Variants in SLC16A4 observed in about 807,000 individuals in gnomAD.
SLC16A4 encodes the protein solute carrier family 16 member 4, also known as probable monocarboxylate transporter 5.
In SLC16A4, 39 loss-of-function variants were observed where a neutral mutation model predicts 47.9. That is an observed-to-expected ratio of 0.81 (90% CI 0.63 to 1.06). The LOEUF (loss-of-function observed/expected upper bound fraction) is 1.06. Ranked by LOEUF, SLC16A4 falls within the 50% of genes least tolerant of loss-of-function variation. SLC16A4 has a pLI of 0.00. For synonymous variants in SLC16A4, 189 were observed against 199.9 expected, an observed-to-expected ratio of 0.95 and a Z score of 0.46; for missense variants, 524 against 573.8, an observed-to-expected ratio of 0.91 and a Z score of 0.89.
In SLC16A4 at chr1:110,363,604, C is replaced by G. The variant is rs1009915791; in HGVS notation, c.*162G>C. 2 of 599,552 alleles carry G rather than the reference C, an allele frequency of 3.3e-6. No homozygotes were observed. The highest frequency in any genetic ancestry group is 4.1e-5 in the African/African-American group (2 of 48,450). 37.1% of individuals were successfully genotyped at this position (599,552 alleles called of 1,614,324 possible). The stretch of plus-strand genomic sequence containing the variant: ...TTGCGCCACTGCACTCCAGCCTGGG[C>G]GAAAGAGCGAGACTCCGTCTCAAAA... On this transcript the variant is annotated 3_prime_UTR_variant, in exon 9 of 9. Coordinates refer to ENST00000369779, the MANE Select transcript of SLC16A4 (RefSeq NM_004696.3).
rs1482132511 is a variant in SLC16A4, at chr1:110,363,118, A to G, written c.*648T>C. 1 of 152,232 alleles carries G rather than the reference A, an allele frequency of 6.6e-6. No individual in the cohort carries two copies. Among genetic ancestry groups the G allele is most frequent in the Non-Finnish European group, 1.5e-5 (1 of 68,044 alleles). The allele number at this position is 152,232 out of a possible 1,614,324, so 9.4% of individuals were successfully genotyped here. On this transcript the variant is annotated 3_prime_UTR_variant, in exon 9 of 9. Coordinates refer to ENST00000369779, the MANE Select transcript of SLC16A4 (RefSeq NM_004696.3). ...TATGTTTCACACTTCTTTAAATTAA[A>G]AAATTTTCTATCTTTACATATTTTA...
chr1:110,372,067 A>AT, intron 8 of SLC16A4: 1 of 152,008 alleles, frequency 6.6e-6, no homozygotes, highest in Non-Finnish European at 1.5e-5. Flanking sequence ...TTCTTGTGCT[A>AT]TTTTTGCTTT....
chr1:110,367,101 T>C (rs1301655904), intron 8 of SLC16A4, among the ~76,000 whole-genome samples: 1 of 152,260 alleles, frequency 6.6e-6, no homozygotes, highest in African/African-American at 2.4e-5. Flanking sequence ...ATCAAGCTTA[T>C]ATTTAAGTGG....
At chr1:110,367,323 A>G (rs552481590) in intron 8 of SLC16A4, among the ~76,000 whole-genome samples, 4 of 152,108 alleles carry the variant, frequency 2.6e-5, no homozygotes, top group South Asian at 2.1e-4. Flanking sequence ...GTGAGACCCT[A>G]TCTCTACAAA....
chr1:110,379,272 T>C lies in SLC16A4; in HGVS notation c.611A>G (p.Asn204Ser). Residue 204 changes from asparagine (N) to serine (S), a missense_variant, in exon 6 of 9, where the codon AAC (asparagine) becomes AGC (serine). Transcript: ENST00000369779. ...GCCTTTATCTTTAATACCAGAATTG[T>C]TCTCACTTTTGATATGGATGGGTCT... ...LLRPIHIKSE[N>S]NSGIKDKGSS... The C allele has an allele frequency of 6.2e-7, 1 of 1,614,190 alleles. No individual in the cohort carries two copies. The highest frequency in any genetic ancestry group is 1.1e-5 in the South Asian group (1 of 91,080).
Position 110,363,790 on chromosome 1 carries a change from T to C in SLC16A4, c.1440A>G (p.Glu480=). 1.2e-6 allele frequency: 2 copies of C among 1,610,326 alleles called. No homozygotes were observed. The highest frequency in any genetic ancestry group is 1.7e-6 in the Non-Finnish European group (2 of 1,178,800). The change falls in exon 9 of 9, where the codon GAA becomes GAG. Residue 480 remains glutamate, a synonymous_variant. Coordinates refer to ENST00000369779, the MANE Select transcript of SLC16A4 (RefSeq NM_004696.3). The part of the protein sequence containing the change: ...SVSFFFVPLA[E]RWKNSLT ...TTCAGGTCAGACTGTTTTTCCATCTTTCGGCCAATGGTACAAAAAAAAAGG... is the reference window on the plus strand; with the variant it reads ...TTCAGGTCAGACTGTTTTTCCATCTCTCGGCCAATGGTACAAAAAAAAAGG...
chr1:110,381,882 G>A (rs1662416765), intron 3 of SLC16A4, 87 bp from the exon 4 acceptor site: 3 of 1,227,104 alleles, frequency 2.4e-6, no homozygotes, highest in Non-Finnish European at 3.5e-6. Context: ...GAATGACAAG[G>A]AAAGCAAGAG....
chr1:110,367,483 A>G (rs1222904308), intron 8 of SLC16A4, among the ~76,000 whole-genome samples: 1 of 152,188 alleles, frequency 6.6e-6, no homozygotes, highest in Non-Finnish European at 1.5e-5. Context: ...TCCCTATTCT[A>G]TCAAAAATTA....
At chr1:110,381,226 T>C in intron 4 of SLC16A4, 83 bp from the exon 5 acceptor site, 1 of 1,321,408 alleles carries the variant, frequency 7.6e-7, no homozygotes, top group Non-Finnish European at 1.1e-6. Context: ...GGATCCGAGA[T>C]AATACAGCTA....
chr1:110,380,283 C>T (rs1407063284), intron 5 of SLC16A4, among the ~76,000 whole-genome samples: 1 of 152,004 alleles, frequency 6.6e-6, no homozygotes, highest in Non-Finnish European at 1.5e-5. Context: ...GTCAGCTGGT[C>T]CCATTCACCA....
intron 8 of SLC16A4, among the ~76,000 whole-genome samples, chr1:110,364,473 A>T (rs1229027990): frequency 6.7e-6 from 1 of 149,994 alleles, no homozygotes; most frequent in Non-Finnish European, 1.5e-5. Context: ...TTAAACAATG[A>T]CAAGTTCCCC....
chr1:110,372,016 T>TTAC (rs999494557), intron 8 of SLC16A4: 21 of 152,220 alleles, frequency 1.4e-4, no homozygotes, highest in African/African-American at 5.1e-4. Context: ...CTTGCCCGTA[T>TTAC]TCTCTATATT....
intron 2 of SLC16A4, 50 bp from the exon 3 acceptor site, chr1:110,383,016 C>T (rs1471749094): frequency 2.0e-6 from 3 of 1,504,806 alleles, no homozygotes; most frequent in Non-Finnish European, 2.7e-6. Context: ...TGAGCCATTA[C>T]AGAGGCAATT....
intron 6 of SLC16A4, among the ~76,000 whole-genome samples, chr1:110,378,475 C>T (rs1327831955): frequency 1.3e-5 from 2 of 152,222 alleles, no homozygotes; most frequent in Non-Finnish European, 2.9e-5. Flanking sequence ...TGCTCCAGAA[C>T]CAATCCTTGA....
chr1:110,367,118 GGTTA>G (rs1661439389), intron 8 of SLC16A4, among the ~76,000 whole-genome samples: 1 of 152,216 alleles, frequency 6.6e-6, no homozygotes, highest in South Asian at 2.1e-4. Context: ...GTGGCTACTA[GGTTA>G]GTTAAGTTTT....
intron 8 of SLC16A4, chr1:110,370,227 A>C (rs1285076263): frequency 6.6e-6 from 1 of 152,200 alleles, no homozygotes; most frequent in Non-Finnish European, 1.5e-5. Flanking sequence ...GATACATAAA[A>C]TATTTACTTT....
intron 8 of SLC16A4, among the ~76,000 whole-genome samples, chr1:110,366,177 G>C (rs1051038828): frequency 1.3e-5 from 2 of 148,848 alleles, no homozygotes; most frequent in African/African-American, 5.0e-5. Flanking sequence ...TTTGTTTTTT[G>C]AGACAGAGCC....
intron 8 of SLC16A4, 89 bp from the exon 9 acceptor site, chr1:110,363,982 C>T: frequency 1.4e-6 from 2 of 1,380,344 alleles, no homozygotes; most frequent in Non-Finnish European, 9.7e-7. Context: ...CAAGGAGCCT[C>T]CTGTATTGTG....
At chr1:110,387,060 C>T (rs1662772087) in intron 2 of SLC16A4, among the ~76,000 whole-genome samples, 1 of 152,188 alleles carries the variant, frequency 6.6e-6, no homozygotes. Flanking sequence ...ATTCTCATCT[C>T]TTCAGTTTCA....
Sources: gnomAD v4.1 joint callset for allele counts (sites outside exome capture counted in the v4.1 genomes callset) on GRCh38, gnomAD v4.1.1 for gene constraint, MANE v1.5 for transcripts, NCBI Gene and HGNC (gene_info 2026-07-23, HGNC 2026-07-21) for gene names.